The following SRGAP1 variants were observed in gnomAD, a reference collection of about 807,000 sequenced individuals.
SRGAP1 encodes the protein SLIT-ROBO Rho GTPase-activating protein 1.
SRGAP1 carries 43 observed loss-of-function variants against 121.9 expected under a neutral mutation model. The ratio of observed to expected loss-of-function variants is 0.35; its 90% CI spans 0.28 to 0.46. The LOEUF (loss-of-function observed/expected upper bound fraction) is 0.46. Ranked by LOEUF, SRGAP1 falls within the 20% of genes least tolerant of loss-of-function variation. The probability of loss-of-function intolerance (pLI) is 1.00; values close to 1 mark genes in which losing one functional copy is unlikely to be tolerated. For synonymous variants in SRGAP1, 447 were observed against 485.4 expected (o/e 0.92, Z 1.04); for missense variants, 1,102 against 1,350.9 (o/e 0.82, Z 2.89).
intron 8 of SRGAP1, among the ~76,000 whole-genome samples, chr12:64,066,554 C>A (rs1313954342): frequency 6.6e-6 from 1 of 151,804 alleles, no homozygotes; most frequent in Non-Finnish European, 1.5e-5. Flanking sequence ...TGTTTTAATC[C>A]CACCAAGATG....
rs1179595367 is a variant in SRGAP1, at chr12:64,158,455, C to T, written c.*15783C>T. ...CCAACACATCGGGTGCTAAAGTCTA[C>T]CCTCTTAGTTGACATAGAATTAAAT... On this transcript the variant is annotated 3_prime_UTR_variant, in exon 22 of 22. Transcript: ENST00000355086. The T allele has an allele frequency of 2.0e-5, 3 of 152,142 alleles. No individual in the cohort carries two copies. Among genetic ancestry groups the T allele is most frequent in the Non-Finnish European group, 2.9e-5 (2 of 68,030 alleles). 9.4% of individuals were successfully genotyped at this position (152,142 alleles called of 1,614,324 possible).
At position 63,874,965 on chromosome 12, in the gene SRGAP1, G is replaced by C. The variant is rs115536557; in HGVS notation, c.67+30082G>C. ...GGATCTTGCTCTGCTGCTCAGGCTA[G>C]AGTGCAGTTGCATGATCATAGTTCA... On this transcript the variant is annotated intron_variant, in intron 1 of 21. Transcript: ENST00000355086. Among the ~76,000 whole-genome samples, 1,100 of 152,260 alleles carry C rather than the reference G, an allele frequency of 7.2e-3. 11 individuals are homozygous for C. Among genetic ancestry groups the C allele is most frequent in the African/African-American group, 0.025 (1,044 of 41,546 alleles).
chr12:64,036,902 T>C (rs1235091415), intron 4 of SRGAP1, among the ~76,000 whole-genome samples: 1 of 152,244 alleles, frequency 6.6e-6, no homozygotes, highest in Non-Finnish European at 1.5e-5. Flanking sequence ...TACATAAACA[T>C]GACTGGTACC....
intron 1 of SRGAP1, among the ~76,000 whole-genome samples, chr12:63,902,477 A>G (rs887893566): frequency 1.3e-5 from 2 of 152,178 alleles, no homozygotes; most frequent in African/African-American, 4.8e-5. Flanking sequence ...TGGAGATCCA[A>G]CCTAAGCAGA....
At chr12:64,070,701 A>G (rs1336530732) in intron 8 of SRGAP1, among the ~76,000 whole-genome samples, 1 of 152,216 alleles carries the variant, frequency 6.6e-6, no homozygotes. Context: ...TTACTTACAC[A>G]AGATATTTTC....
At chr12:63,854,389 ATAAC>A (rs1186722087) in intron 1 of SRGAP1, among the ~76,000 whole-genome samples, 2 of 152,196 alleles carry the variant, frequency 1.3e-5, no homozygotes, top group African/African-American at 4.8e-5. Flanking sequence ...TTTGGCATGT[ATAAC>A]AAATCTTTAT....
intron 8 of SRGAP1, among the ~76,000 whole-genome samples, chr12:64,076,375 A>C (rs2035738595): frequency 6.6e-6 from 1 of 152,236 alleles, no homozygotes; most frequent in African/African-American, 2.4e-5. Flanking sequence ...AGCCAAGCTT[A>C]GATTTCATCA....
At chr12:63,941,736 G>A (rs2031877041) in intron 1 of SRGAP1, among the ~76,000 whole-genome samples, 1 of 151,154 alleles carries the variant, frequency 6.6e-6, no homozygotes, top group Non-Finnish European at 1.5e-5. Flanking sequence ...CATATTTCTA[G>A]CATTTCCTTG....
chr12:64,084,458 T>C (rs1206553043), intron 10 of SRGAP1, among the ~76,000 whole-genome samples: 4 of 151,970 alleles, frequency 2.6e-5, no homozygotes, highest in Non-Finnish European at 5.9e-5. Flanking sequence ...GGAAGAAGAG[T>C]CTTCTAAGCT....
At chr12:63,908,837 T>G (rs1251235509) in intron 1 of SRGAP1, among the ~76,000 whole-genome samples, 1 of 152,236 alleles carries the variant, frequency 6.6e-6, no homozygotes, top group African/African-American at 2.4e-5. Context: ...TCTTGTATCC[T>G]TTCACATTGC....
At chr12:64,026,837 G>A (rs1028519517) in intron 4 of SRGAP1, among the ~76,000 whole-genome samples, 1 of 151,270 alleles carries the variant, frequency 6.6e-6, no homozygotes, top group Non-Finnish European at 1.5e-5. Context: ...CCGCACTCCA[G>A]CCTGGGGGTC....
chr12:63,928,826 G>A (rs1173748835), intron 1 of SRGAP1, among the ~76,000 whole-genome samples: 2 of 152,194 alleles, frequency 1.3e-5, no homozygotes, highest in Non-Finnish European at 2.9e-5. Context: ...TCAGGCATTA[G>A]ATTCTCATAA....
intron 21 of SRGAP1, among the ~76,000 whole-genome samples, chr12:64,132,404 C>T (rs112711989): frequency 6.6e-6 from 1 of 152,142 alleles, no homozygotes; most frequent in Non-Finnish European, 1.5e-5. Flanking sequence ...TGTTCTGGAC[C>T]CCACTCAAAA....
intron 1 of SRGAP1, among the ~76,000 whole-genome samples, chr12:63,889,694 G>A (rs1032773974): frequency 3.9e-5 from 6 of 152,128 alleles, no homozygotes; most frequent in Non-Finnish European, 8.8e-5. Flanking sequence ...CAGATCATGA[G>A]GGCAGGAGTT....
intron 4 of SRGAP1, among the ~76,000 whole-genome samples, chr12:64,028,065 C>T: frequency 6.6e-6 from 1 of 152,172 alleles, no homozygotes; most frequent in East Asian, 1.9e-4. Flanking sequence ...TTGCATGTGA[C>T]TTTGAAATTC....
intron 4 of SRGAP1, among the ~76,000 whole-genome samples, chr12:64,018,496 T>C (rs1024390475): frequency 4.6e-5 from 7 of 152,214 alleles, no homozygotes; most frequent in Non-Finnish European, 1.0e-4. Context: ...AATACAGTTT[T>C]GTAAATTAAA....
chr12:64,147,418 G>T lies in SRGAP1; in HGVS notation c.*4746G>T. 1 of 154,176 alleles carries T rather than the reference G, an allele frequency of 6.5e-6. No individual in the cohort carries two copies. The highest frequency in any genetic ancestry group is 1.2e-5 in the Non-Finnish European group (1 of 82,654). The allele number at this position is 154,176 out of a possible 1,614,324, so 9.6% of individuals were successfully genotyped here. A position where few individuals can be genotyped will look rare whatever the true frequency, so the allele number is the denominator to read the frequency against. The stretch of plus-strand genomic sequence containing the variant: ...TCGAGTGTTTCGAAGCTTCCTCCCT[G>T]TCCCCCACCTTCCCCATCCCCGCCT... On this transcript the variant is annotated 3_prime_UTR_variant, in exon 22 of 22. Coordinates refer to ENST00000355086, the MANE Select transcript of SRGAP1 (RefSeq NM_020762.4).
chr12:64,052,555 CA>C lies in SRGAP1; in HGVS notation c.801+8991del, dbSNP rs548163366. 2.5e-3 allele frequency among the ~76,000 whole-genome samples: 337 copies of C among 132,536 alleles called. 3 individuals are homozygous for C. The East Asian group carries it at 0.026, about 10-fold the overall frequency. The allele number at this position is 132,536 out of a possible 152,430, so 86.9% of individuals were successfully genotyped here. ...AGGCGACAAGAAGAAAAGTCAGTCT[CA>C]AAAAAAAAAACAAAATAAACGTATA... On this transcript the variant is annotated intron_variant, in intron 6 of 21. Coordinates refer to ENST00000355086, the MANE Select transcript of SRGAP1 (RefSeq NM_020762.4).
At chr12:63,997,188 A>T (rs6581516) in intron 3 of SRGAP1, among the ~76,000 whole-genome samples, 4,419 of 147,258 alleles carry the variant, frequency 0.03, 215 homozygotes, top group African/African-American at 0.11. Context: ...TATGCAAGAT[A>T]AAAAAAATGA....
Sources: allele counts gnomAD v4.1 joint callset (sites outside exome capture counted in the v4.1 genomes callset), GRCh38; gene constraint gnomAD v4.1.1; transcripts MANE v1.5; gene names NCBI Gene and HGNC (gene_info 2026-07-23, HGNC 2026-07-21).